ARSB: variants seen among roughly 807,000 people sequenced by gnomAD.
The protein encoded by ARSB is arylsulfatase B.
A neutral mutation model predicts 50.9 loss-of-function variants in ARSB; 41 were observed. The observed-to-expected ratio is 0.81, with a 90% CI of 0.63 to 1.04. ARSB has a LOEUF of 1.04. ARSB is among the 50% of genes least tolerant of loss of function. The probability of loss-of-function intolerance (pLI) is 0.00; values close to 1 mark genes in which losing one functional copy is unlikely to be tolerated. For missense variants in ARSB, 672 were observed against 693.3 expected, an observed-to-expected ratio of 0.97 and a Z score of 0.35; for synonymous variants, 269 against 284.8, an observed-to-expected ratio of 0.94 and a Z score of 0.56.
chr5:78,812,188 G>T (rs1347848168), intron 6 of ARSB, among the ~76,000 whole-genome samples: 3 of 152,200 alleles, frequency 2.0e-5, no homozygotes, highest in Non-Finnish European at 4.4e-5. Flanking sequence ...TTGAGATGCA[G>T]GTCAGTATTT....
At position 78,936,068 on chromosome 5, in the gene ARSB, CCT is replaced by C. The variant is rs1216506695; in HGVS notation, c.898+19225_898+19226del. 1.7e-5 allele frequency among the ~76,000 whole-genome samples: 2 copies of C among 119,874 alleles called. 1 individual carries two copies. The highest frequency in any genetic ancestry group is 5.5e-4 in the East Asian group (2 of 3,612). The allele number at this position is 119,874 out of a possible 152,430, so 78.6% of individuals were successfully genotyped here. A position where few individuals can be genotyped will look rare whatever the true frequency, so the allele number is the denominator to read the frequency against. On this transcript the variant is annotated intron_variant, in intron 4 of 7. Transcript: ENST00000264914. ...CCCTCTCTCTTTCCCTCCCTCCCTC[CCT>C]CTCTTTCCCTTCCTCCCCGCCTCTC...
At chr5:78,839,815 G>T (rs1238449659) in intron 5 of ARSB, among the ~76,000 whole-genome samples, 7 of 152,138 alleles carry the variant, frequency 4.6e-5, no homozygotes, top group Non-Finnish European at 1.0e-4. Context: ...TGCCAAAATG[G>T]TGGCACCAAT....
At chr5:78,959,555 C>T (rs1751892716) in intron 3 of ARSB, among the ~76,000 whole-genome samples, 1 of 152,102 alleles carries the variant, frequency 6.6e-6, no homozygotes, top group African/African-American at 2.4e-5. Context: ...AGATTCTGAT[C>T]CTTTTGATTA....
At chr5:78,848,219 C>G (rs1244400683) in intron 5 of ARSB, among the ~76,000 whole-genome samples, 2 of 117,124 alleles carry the variant, frequency 1.7e-5, no homozygotes, top group Non-Finnish European at 3.5e-5. Context: ...CCTCCCCCCT[C>G]CCCCCACCCC....
chr5:78,811,013 T>A (rs1263194641), intron 6 of ARSB, among the ~76,000 whole-genome samples: 7 of 152,208 alleles, frequency 4.6e-5, no homozygotes, highest in African/African-American at 7.2e-5. Context: ...TTTAACAACA[T>A]GAAAAAATGT....
chr5:78,843,062 G>A (rs937769013), intron 5 of ARSB, among the ~76,000 whole-genome samples: 1 of 152,172 alleles, frequency 6.6e-6, no homozygotes, highest in Non-Finnish European at 1.5e-5. Flanking sequence ...TAAGATCACT[G>A]GCGGTGGAAC....
intron 6 of ARSB, among the ~76,000 whole-genome samples, chr5:78,821,894 T>C (rs1019251147): frequency 2.6e-5 from 4 of 152,242 alleles, no homozygotes; most frequent in African/African-American, 7.2e-5. Context: ...CTGTCACTCT[T>C]CAGAGTTGGA....
At chr5:78,793,519 T>C (rs2112634757) in intron 6 of ARSB, among the ~76,000 whole-genome samples, 1 of 152,298 alleles carries the variant, frequency 6.6e-6, no homozygotes, top group Non-Finnish European at 1.5e-5. Flanking sequence ...AATTTCAGAA[T>C]GGAAGAAACA....
At chr5:78,870,247 T>C (rs559818829) in intron 5 of ARSB, among the ~76,000 whole-genome samples, 1 of 137,448 alleles carries the variant, frequency 7.3e-6, no homozygotes, top group East Asian at 2.0e-4. Context: ...AAGGAGGAAC[T>C]GGTACCATTC....
intron 6 of ARSB, chr5:78,783,614 G>A (rs1748987907): frequency 6.6e-6 from 1 of 152,122 alleles, no homozygotes; most frequent in Non-Finnish European, 1.5e-5. Flanking sequence ...GTCTATCACA[G>A]GAAATGGTTG....
chr5:78,952,801 T>C (rs1751545135), intron 4 of ARSB, among the ~76,000 whole-genome samples: 2 of 152,256 alleles, frequency 1.3e-5, no homozygotes, highest in Non-Finnish European at 2.9e-5. Context: ...GTCCTGAAAT[T>C]GTCTAATTGT....
Position 78,860,886 on chromosome 5 carries a change from G to C in ARSB, c.1143-21460C>G, listed in dbSNP as rs568432518. On this transcript the variant is annotated intron_variant, in intron 5 of 7. Transcript: ENST00000264914. The stretch of plus-strand genomic sequence containing the variant: ...CTAGCAAGACTAATAAAGAAGAAAA[G>C]AGAGAAGAATCAAATAGACACAATA... Among the ~76,000 whole-genome samples the C allele has an allele frequency of 5.3e-5, 8 of 152,306 alleles. No homozygotes were observed. In the East Asian group the frequency reaches 1.2e-3, roughly 22 times the overall value.
chr5:78,844,250 A>G (rs1043949325), intron 5 of ARSB, among the ~76,000 whole-genome samples: 2 of 152,144 alleles, frequency 1.3e-5, no homozygotes, highest in African/African-American at 4.8e-5. Flanking sequence ...GTTGGTGTAA[A>G]GTGATATCTC....
chr5:78,845,138 C>A (rs1187636283), intron 5 of ARSB, among the ~76,000 whole-genome samples: 2 of 151,814 alleles, frequency 1.3e-5, no homozygotes, highest in Non-Finnish European at 2.9e-5. Flanking sequence ...TGGTATTTAT[C>A]TTTCTGTGCC....
At chr5:78,944,879 G>A (rs944451590) in intron 4 of ARSB, among the ~76,000 whole-genome samples, 1 of 152,224 alleles carries the variant, frequency 6.6e-6, no homozygotes, top group Non-Finnish European at 1.5e-5. Flanking sequence ...CCCAGAGGTG[G>A]AGTCTACAGA....
At chr5:78,794,060 G>A (rs1743085562) in intron 6 of ARSB, among the ~76,000 whole-genome samples, 1 of 152,060 alleles carries the variant, frequency 6.6e-6, no homozygotes, top group African/African-American at 2.4e-5. Context: ...GGTTTCTGCT[G>A]CAACCTTAAC....
chr5:78,952,219 T>C (rs1371392652), intron 4 of ARSB, among the ~76,000 whole-genome samples: 3 of 152,200 alleles, frequency 2.0e-5, no homozygotes, highest in Non-Finnish European at 4.4e-5. Context: ...AAAGTACAAT[T>C]ATACATACAC....
Position 78,955,370 on chromosome 5 carries a change from C to A in ARSB, c.823G>T (p.Glu275Ter), listed in dbSNP as rs1580121683. 4.3e-6 allele frequency: 7 copies of A among 1,614,210 alleles called. No homozygotes were observed. The highest frequency in any genetic ancestry group is 5.9e-6 in the Non-Finnish European group (7 of 1,180,030). The change falls in exon 4 of 8, where the codon GAA becomes TAA. Residue 275 changes from glutamate (E) to a stop codon, truncating the protein, a stop_gained. Coordinates refer to ENST00000264914, the MANE Select transcript of ARSB (RefSeq NM_000046.5). LOFTEE classifies it high-confidence loss of function. Reference sequence around the variant, plus strand: ...GCTGCAGTGACATTTCCTACTGCTTCATCCATAAGGGACACCATTCCTGCA... The same window carrying A: ...GCTGCAGTGACATTTCCTACTGCTTAATCCATAAGGGACACCATTCCTGCA... ...HYAGMVSLMD[E>*]AVGNVTAALK...
intron 2 of ARSB, 52 bp from the exon 3 acceptor site, chr5:78,964,658 A>ATTAGTTTGTTT: frequency 6.5e-7 from 1 of 1,548,002 alleles, no homozygotes; most frequent in Non-Finnish European, 8.9e-7. Flanking sequence ...CTTGTTAAAC[A>ATTAGTTTGTTT]AACTAATGTT....
Sources: gnomAD v4.1 joint callset for allele counts (sites outside exome capture counted in the v4.1 genomes callset) on GRCh38, gnomAD v4.1.1 for gene constraint, MANE v1.5 for transcripts, NCBI Gene and HGNC (gene_info 2026-07-23, HGNC 2026-07-21) for gene names.